USP50: variants seen among roughly 807,000 people sequenced by gnomAD.
USP50 encodes ubiquitin carboxyl-terminal hydrolase 50.
A neutral mutation model predicts 39.2 loss-of-function variants in USP50; 37 were observed. The ratio of observed to expected loss-of-function variants is 0.94; its 90% CI spans 0.73 to 1.24. The LOEUF is 1.24. Ranked by LOEUF, USP50 falls within the 50% of genes most tolerant of loss-of-function variation. The pLI is 0.00. For synonymous variants in USP50, 139 were observed against 144.5 expected (o/e 0.96, Z 0.27); for missense variants, 374 against 398.2 (o/e 0.94, Z 0.52).
At chr15:50,544,316 C>T (rs1003817393) in intron 2 of USP50, among the ~76,000 whole-genome samples, 2 of 151,800 alleles carry the variant, frequency 1.3e-5, no homozygotes, top group African/African-American at 2.4e-5. Flanking sequence ...GAGCCAAGAT[C>T]GCACCACTGC....
chr15:50,504,636 GGTACAACT>G (rs1161255465), intron 6 of USP50: 1 of 152,160 alleles, frequency 6.6e-6, no homozygotes, highest in Non-Finnish European at 1.5e-5. Flanking sequence ...CAGATACTGA[GGTACAACT>G]GTACTGGAAA....
At chr15:50,525,743 T>C (rs1486812101) in intron 6 of USP50, among the ~76,000 whole-genome samples, 1 of 122,512 alleles carries the variant, frequency 8.2e-6, no homozygotes, top group East Asian at 2.3e-4. Context: ...ATGTATATAA[T>C]CTCTCAAAAC....
chr15:50,528,108 T>G (rs2052913238), intron 6 of USP50, among the ~76,000 whole-genome samples: 1 of 150,550 alleles, frequency 6.6e-6, no homozygotes, highest in Non-Finnish European at 1.5e-5. Context: ...TTTTGCCATG[T>G]TGCCAGGGCT....
At chr15:50,494,634 G>A (rs1277728783) in intron 1 of USP50, among the ~76,000 whole-genome samples, 1 of 152,194 alleles carries the variant, frequency 6.6e-6, no homozygotes. Flanking sequence ...ATATGTATAT[G>A]TTATTGTACA....
chr15:50,512,251 C>G (rs2052747901), intron 6 of USP50: 1 of 151,644 alleles, frequency 6.6e-6, no homozygotes, highest in Non-Finnish European at 1.5e-5. Context: ...TCCCTTGAAC[C>G]TGGGAGGCGG....
chr15:50,541,356 A>C (rs552905510), intron 3 of USP50, 92 bp from the exon 4 acceptor site: 23 of 1,091,804 alleles, frequency 2.1e-5, no homozygotes, highest in African/African-American at 6.3e-5. Flanking sequence ...TACAAAAAAA[A>C]CAAAAAATTA....
chr15:50,496,291 A>C (rs538482584), downstream of USP50, among the ~76,000 whole-genome samples: 86 of 151,996 alleles, frequency 5.7e-4, no homozygotes, highest in African/African-American at 2.0e-3. Context: ...ACCATCCTGG[A>C]TAACACGGTG....
intron 6 of USP50, among the ~76,000 whole-genome samples, chr15:50,518,382 G>A (rs1450691414): frequency 3.3e-5 from 5 of 151,654 alleles, no homozygotes; most frequent in African/African-American, 4.8e-5. Context: ...CACCACGCCC[G>A]GCTAATTTTT....
Position 50,529,841 on chromosome 15 carries a change from A to G in USP50, c.892T>C (p.Ser298Pro), listed in dbSNP as rs781094160. ...TNLDLTPYIC[S>P]IFRKYPKYNL... The stretch of plus-strand genomic sequence containing the variant: ...TATTTAGGATATTTCCGGAAAATTG[A>G]GCAAATATAAGGAGTGAGGTCCAAG... The change falls in exon 6 of 7, where the codon TCA becomes CCA. Residue 298 changes from serine (S) to proline (P), a missense_variant. Physicochemically the swap from Ser to Pro is moderately conservative, Grantham distance 74. Coordinates refer to ENST00000532404, the MANE Select transcript of USP50 (RefSeq NM_203494.5). 12 of 1,613,832 alleles carry G rather than the reference A, an allele frequency of 7.4e-6. No individual in the cohort carries two copies. In the Admixed American group the frequency reaches 8.3e-5, roughly 11 times the overall value.
At chr15:50,503,082 TCA>T (rs2052613613) in intron 6 of USP50, 1 of 152,286 alleles carries the variant, frequency 6.6e-6, no homozygotes, top group Admixed American at 6.5e-5. Context: ...GCCTGGTGGC[TCA>T]CGCCTGTAAT....
At chr15:50,529,378 C>T (rs1282651991) in intron 6 of USP50, among the ~76,000 whole-genome samples, 1 of 130,178 alleles carries the variant, frequency 7.7e-6, no homozygotes, top group African/African-American at 2.5e-5. Context: ...ATTGGTGGCA[C>T]ATGCCTGTAG....
At chr15:50,500,983 A>G in intron 6 of USP50, 146 bp from the exon 7 acceptor site, 1 of 659,780 alleles carries the variant, frequency 1.5e-6, no homozygotes. Flanking sequence ...AATCATGCAT[A>G]TAGCCTGACT....
chr15:50,525,699 A>ATATATGTATAT (rs2052890551), intron 6 of USP50, among the ~76,000 whole-genome samples: 3 of 99,766 alleles, frequency 3.0e-5, no homozygotes, highest in African/African-American at 7.1e-5. Context: ...ATGTATATGT[A>ATATATGTATAT]TATATATGTA....
intron 6 of USP50, among the ~76,000 whole-genome samples, chr15:50,519,163 T>G (rs2052827628): frequency 1.3e-5 from 2 of 152,124 alleles, no homozygotes; most frequent in African/African-American, 4.8e-5. Context: ...GGCACACCCC[T>G]GTAGTCCCAG....
In USP50 at chr15:50,527,590, T is replaced by G. The variant is rs117868422; in HGVS notation, c.936+2207A>C. ...CTTAAGTAGCAAAGCTCTAGATGGT[T>G]TTATTCCTACTGTCATGCATCATAA... On this transcript the variant is annotated intron_variant, in intron 6 of 6. Transcript: ENST00000532404. Among the ~76,000 whole-genome samples, 1,509 of 152,202 alleles carry G rather than the reference T, an allele frequency of 9.9e-3. 6 individuals carry two copies. The highest frequency in any genetic ancestry group is 0.024 in the Middle Eastern group (7 of 294).
downstream of USP50, chr15:50,499,304 A>G: frequency 2.6e-6 from 1 of 385,566 alleles, no homozygotes; most frequent in Non-Finnish European, 4.5e-6. Flanking sequence ...ATTTATTTCA[A>G]AACAACTTTT....
At chr15:50,518,424 C>A (rs3098186) in intron 6 of USP50, among the ~76,000 whole-genome samples, 1 of 150,954 alleles carries the variant, frequency 6.6e-6, no homozygotes, top group Admixed American at 6.6e-5. Flanking sequence ...GGGGTTTCAC[C>A]GCAGTCTCGA....
At chr15:50,536,671 TA>T (rs538548855) in intron 5 of USP50, among the ~76,000 whole-genome samples, 16 of 150,290 alleles carry the variant, frequency 1.1e-4, no homozygotes, top group East Asian at 9.7e-4. Flanking sequence ...TAAAATGAAT[TA>T]AAAAAAAACA....
intron 6 of USP50, among the ~76,000 whole-genome samples, chr15:50,517,852 G>T (rs758160531): frequency 6.6e-6 from 1 of 152,104 alleles, no homozygotes; most frequent in Non-Finnish European, 1.5e-5. Flanking sequence ...CCAAGTAGCT[G>T]CAACTACAGG....
Sources: allele counts gnomAD v4.1 joint callset (sites outside exome capture counted in the v4.1 genomes callset), GRCh38; gene constraint gnomAD v4.1.1; transcripts MANE v1.5; gene names NCBI Gene and HGNC (gene_info 2026-07-23, HGNC 2026-07-21).